The following SHISA9 variants were observed in gnomAD, a reference collection of about 807,000 sequenced individuals.
SHISA9 encodes protein shisa-9.
Under a neutral mutation model 38.0 loss-of-function variants are expected in SHISA9, and 13 were observed. That is an observed-to-expected ratio of 0.34 (90% confidence interval 0.22 to 0.54). The LOEUF is 0.54. SHISA9 is among the 20% of genes least tolerant of loss of function. The pLI, the probability that SHISA9 is intolerant of heterozygous loss-of-function variation, is 0.91. For synonymous variants in SHISA9, 275 were observed against 242.0 expected (o/e 1.14, Z -1.27); for missense variants, 538 against 575.8 (o/e 0.93, Z 0.67).
the SHISA9 span, among the ~76,000 whole-genome samples, chr16:13,416,106 C>T: frequency 7.9e-5 from 12 of 151,540 alleles, no homozygotes; most frequent in Admixed American, 2.6e-4. Context: ...ACCTATGCAC[C>T]GTTCTGTAGG....
intron 2 of SHISA9, among the ~76,000 whole-genome samples, chr16:13,011,180 CTTTTA>C (rs1049539391): frequency 2.6e-5 from 4 of 151,998 alleles, no homozygotes; most frequent in East Asian, 1.9e-4. Flanking sequence ...GTGAACCTTT[CTTTTA>C]TTTTATTTCT....
At chr16:13,275,045 C>A in the SHISA9 span, among the ~76,000 whole-genome samples, 141 of 152,196 alleles carry the variant, frequency 9.3e-4, 2 homozygotes, top group South Asian at 0.029. Context: ...TGAGGTCAAA[C>A]CTCCTTCTAT....
chr16:13,111,460 A>AT (rs1359774499), intron 2 of SHISA9, among the ~76,000 whole-genome samples: 1 of 151,984 alleles, frequency 6.6e-6, no homozygotes, highest in Non-Finnish European at 1.5e-5. Context: ...TGAATAATTT[A>AT]TTTAAGTCCT....
At chr16:13,366,838 G>C in the SHISA9 span, among the ~76,000 whole-genome samples, 1 of 151,808 alleles carries the variant, frequency 6.6e-6, no homozygotes, top group South Asian at 2.1e-4. Context: ...CAAAAATTAG[G>C]TGGGCATGGT....
At chr16:13,222,531 C>G (rs2051237179) in intron 4 of SHISA9, among the ~76,000 whole-genome samples, 1 of 152,128 alleles carries the variant, frequency 6.6e-6, no homozygotes, top group African/African-American at 2.4e-5. Context: ...TATTATTTCA[C>G]TGGTGCGATA....
the SHISA9 span, among the ~76,000 whole-genome samples, chr16:13,534,386 G>C: frequency 6.6e-6 from 1 of 151,814 alleles, no homozygotes; most frequent in Non-Finnish European, 1.5e-5. Flanking sequence ...CACCATACCT[G>C]GCTAATTTTT....
At chr16:13,008,417 T>C (rs2072625080) in intron 2 of SHISA9, among the ~76,000 whole-genome samples, 1 of 152,194 alleles carries the variant, frequency 6.6e-6, no homozygotes, top group African/African-American at 2.4e-5. Flanking sequence ...AGATAGTGCC[T>C]TGTATGGTTT....
chr16:13,094,473 C>A (rs943873762), intron 2 of SHISA9, among the ~76,000 whole-genome samples: 2 of 151,664 alleles, frequency 1.3e-5, no homozygotes, highest in South Asian at 2.1e-4. Flanking sequence ...AAAAAAAAAT[C>A]CCCCAAACTA....
At chr16:13,271,986 G>A in the SHISA9 span, among the ~76,000 whole-genome samples, 1 of 151,896 alleles carries the variant, frequency 6.6e-6, no homozygotes, top group African/African-American at 2.4e-5. Context: ...AGCTGAGGCA[G>A]GAGAGTCACT....
intron 2 of SHISA9, among the ~76,000 whole-genome samples, chr16:13,050,204 G>C (rs1272697110): frequency 6.6e-6 from 1 of 152,066 alleles, no homozygotes; most frequent in Non-Finnish European, 1.5e-5. Context: ...TATGGATGTA[G>C]ATATACATCT....
chr16:13,396,211 A>C, the SHISA9 span, among the ~76,000 whole-genome samples: 1,391 of 152,318 alleles, frequency 9.1e-3, 19 homozygotes, highest in African/African-American at 0.032. Flanking sequence ...ATAGAAACAC[A>C]AACTAAATCA....
chr16:13,444,078 T>A, the SHISA9 span, among the ~76,000 whole-genome samples: 1 of 104,854 alleles, frequency 9.5e-6, no homozygotes, highest in Non-Finnish European at 1.9e-5. Context: ...TTCCTTTTCA[T>A]TGCTGTTAAA....
At chr16:13,192,187 C>T (rs1484236500) in intron 2 of SHISA9, among the ~76,000 whole-genome samples, 1 of 151,846 alleles carries the variant, frequency 6.6e-6, no homozygotes, top group Non-Finnish European at 1.5e-5. Flanking sequence ...TATGCAGGGA[C>T]ATGAAGATGG....
the SHISA9 span, among the ~76,000 whole-genome samples, chr16:13,544,940 CA>C: frequency 6.7e-6 from 1 of 149,736 alleles, no homozygotes; most frequent in East Asian, 2.0e-4. Context: ...GAGACTCCGT[CA>C]AAAAAAAACA....
chr16:13,500,441 A>T, the SHISA9 span, among the ~76,000 whole-genome samples: 5 of 152,214 alleles, frequency 3.3e-5, no homozygotes, highest in African/African-American at 1.2e-4. Context: ...CATGGGGAAT[A>T]TAGAAGAACC....
chr16:12,957,017 T>G (rs2071844855), intron 2 of SHISA9, among the ~76,000 whole-genome samples: 1 of 152,208 alleles, frequency 6.6e-6, no homozygotes, highest in Admixed American at 6.5e-5. Context: ...AAATAACCTT[T>G]ACTCTTATCA....
the SHISA9 span, among the ~76,000 whole-genome samples, chr16:13,262,302 C>G: frequency 6.6e-6 from 1 of 152,202 alleles, no homozygotes; most frequent in South Asian, 2.1e-4. Flanking sequence ...TGCAGCTAGG[C>G]TGTCTTAGCT....
the SHISA9 span, among the ~76,000 whole-genome samples, chr16:13,312,822 A>G: frequency 6.6e-6 from 1 of 152,226 alleles, no homozygotes; most frequent in South Asian, 2.1e-4. Context: ...CAACTTCTAG[A>G]GAAAGCACTA....
At chr16:13,014,992 C>A (rs531977183) in intron 2 of SHISA9, among the ~76,000 whole-genome samples, 2 of 152,338 alleles carry the variant, frequency 1.3e-5, no homozygotes, top group South Asian at 4.2e-4. Context: ...ATGAAGATAT[C>A]CTAATAAATG....
Sources: gnomAD v4.1 joint callset for allele counts (sites outside exome capture counted in the v4.1 genomes callset) on GRCh38, gnomAD v4.1.1 for gene constraint, MANE v1.5 for transcripts, NCBI Gene and HGNC (gene_info 2026-07-23, HGNC 2026-07-21) for gene names.